Variants in KIF15 observed in about 807,000 individuals in gnomAD.
KIF15 encodes kinesin-like protein KIF15.
Under a neutral mutation model 190.6 loss-of-function variants are expected in KIF15, and 140 were observed. That is an observed-to-expected ratio of 0.73 (90% CI 0.64 to 0.84). KIF15 has a LOEUF of 0.84. Ranked by LOEUF, KIF15 falls within the 40% of genes least tolerant of loss-of-function variation. The probability of loss-of-function intolerance (pLI) is 0.00; values close to 1 mark genes in which losing one functional copy is unlikely to be tolerated. For missense variants in KIF15, 1,372 were observed against 1,584.4 expected (o/e 0.87, Z 2.28); for synonymous variants, 528 against 551.3 (o/e 0.96, Z 0.59).
At chr3:44,779,597 G>T (rs925108264) in intron 4 of KIF15, among the ~76,000 whole-genome samples, 1 of 152,016 alleles carries the variant, frequency 6.6e-6, no homozygotes, top group Admixed American at 6.6e-5. Context: ...CACTTTGGGG[G>T]GCCGAGGTGC....
At position 44,812,277 on chromosome 3, in the gene KIF15, C is replaced by G; in HGVS notation, c.2265C>G (p.Thr755=). The G allele has an allele frequency of 6.2e-7, 1 of 1,612,984 alleles. No individual in the cohort carries two copies. Among genetic ancestry groups the G allele is most frequent in the Non-Finnish European group, 8.5e-7 (1 of 1,179,162 alleles). ...QHVDKLEHHS[T]QMQELFSSER... ...TTGACAAACTGGAACATCATTCTAC[C>G]CAAATGCAGGAGGTGAGACCAAGAG... The change falls in exon 18 of 35, where the codon ACC becomes ACG. Residue 755 remains threonine (T), a synonymous_variant. Coordinates refer to ENST00000326047, the MANE Select transcript of KIF15 (RefSeq NM_020242.3).
At chr3:44,820,333 T>C (rs1708209788) in intron 20 of KIF15, among the ~76,000 whole-genome samples, 1 of 150,580 alleles carries the variant, frequency 6.6e-6, no homozygotes, top group Admixed American at 6.7e-5. Flanking sequence ...TTTCTTTTTT[T>C]TTTCCTTTTT....
In KIF15 at chr3:44,839,887, T is replaced by A. The variant is rs963793728; in HGVS notation, c.3319-468T>A. Among the ~76,000 whole-genome samples, 7 of 152,230 alleles carry A rather than the reference T, an allele frequency of 4.6e-5. No individual in the cohort carries two copies. In the South Asian group the frequency reaches 1.0e-3, roughly 23 times the overall value. ...TTTTTAAGACTAAGTAGTATTTCAT[T>A]GTGTATATATATAGCACATTTTCTT... On this transcript the variant is annotated intron_variant, in intron 27 of 34. Coordinates refer to ENST00000326047, the MANE Select transcript of KIF15 (RefSeq NM_020242.3).
At chr3:44,830,746 C>T in intron 25 of KIF15, 150 bp from the exon 26 acceptor site, 1 of 754,800 alleles carries the variant, frequency 1.3e-6, no homozygotes, top group Non-Finnish European at 2.0e-6. Flanking sequence ...CATTCATGCA[C>T]TTATTCTTCT....
chr3:44,786,378 AG>A lies in KIF15; in HGVS notation c.460-15del. 2 of 1,586,122 alleles carry A rather than the reference AG, an allele frequency of 1.3e-6. No homozygotes were observed. Among genetic ancestry groups the A allele is most frequent in the Non-Finnish European group, 1.7e-6 (2 of 1,163,334 alleles). ...CACATGAAAATAATGTATCTAAATG[AG>A]GCTTCTTTTTTACAGGCTGGAGCTG... is the stretch of plus-strand genomic sequence containing the variant. On this transcript the variant is annotated splice_polypyrimidine_tract_variant and intron_variant, in intron 6 of 34. Transcript: ENST00000326047.
chr3:44,774,379 C>CTTT lies in KIF15; in HGVS notation c.20-7_20-5dup. The CTTT allele has an allele frequency of 8.0e-7, 1 of 1,252,306 alleles. No individual in the cohort carries two copies. The highest frequency in any genetic ancestry group is 2.0e-5 in the Admixed American group (1 of 48,886). 77.6% of individuals were successfully genotyped at this position (1,252,306 alleles called of 1,614,324 possible). ...TTACAATTTAAATGACCTTTAATAACTTTTTTTTTTTCTAGCTGAGTTACG... is the reference window on the plus strand; with the variant it reads ...TTACAATTTAAATGACCTTTAATAACTTTTTTTTTTTTTTCTAGCTGAGTTACG... On this transcript the variant is annotated splice_polypyrimidine_tract_variant and intron_variant, in intron 1 of 34. Transcript: ENST00000326047.
rs1487335847 is a variant in KIF15 at position 44,828,304 on chromosome 3, G to A, written c.2943+4G>A. ...AAAGTCTAGAGATTCTGATAAGGTT[G>A]GTAGAGTTTGAAGCTACATCTCTCT... On this transcript the variant is annotated splice_donor_region_variant and intron_variant, in intron 24 of 34. Coordinates refer to ENST00000326047, the MANE Select transcript of KIF15 (RefSeq NM_020242.3). The A allele has an allele frequency of 1.3e-6, 2 of 1,596,720 alleles. No homozygotes were observed. The highest frequency in any genetic ancestry group is 8.6e-7 in the Non-Finnish European group (1 of 1,164,400).
At chr3:44,827,606 T>C (rs2125690920) in intron 23 of KIF15, 78 bp downstream of exon 23, 1 of 786,188 alleles carries the variant, frequency 1.3e-6, no homozygotes, top group African/African-American at 1.8e-5. Flanking sequence ...CTTATTATAA[T>C]GATTTCAGCT....
chr3:44,864,958 T>G, intron 6 of KIF15: 1 of 1,573,764 alleles, frequency 6.4e-7, no homozygotes, highest in Admixed American at 1.7e-5. Context: ...CCTGGCACCC[T>G]TAGAAGGAAG....
At chr3:44,845,014 T>C (rs17076981) in intron 30 of KIF15, among the ~76,000 whole-genome samples, 2,829 of 152,274 alleles carry the variant, frequency 0.019, 74 homozygotes, top group African/African-American at 0.063. Flanking sequence ...TAAGAGATTA[T>C]TGTGAAGGTA....
At chr3:44,763,953 GC>G (rs1402998495) in intron 1 of KIF15, among the ~76,000 whole-genome samples, 1 of 152,178 alleles carries the variant, frequency 6.6e-6, no homozygotes, top group Non-Finnish European at 1.5e-5. Context: ...CTCCCAAAGT[GC>G]TAGGATTACA....
intron 10 of KIF15, among the ~76,000 whole-genome samples, chr3:44,798,862 T>A (rs769972409): frequency 6.6e-6 from 1 of 152,188 alleles, no homozygotes; most frequent in Non-Finnish European, 1.5e-5. Context: ...TCTCACAGGT[T>A]CAGGGCTCAG....
chr3:44,807,850 T>G (rs1707587522), intron 16 of KIF15, among the ~76,000 whole-genome samples: 1 of 152,188 alleles, frequency 6.6e-6, no homozygotes. Flanking sequence ...TAATGATTTA[T>G]TCAACCTGGA....
intron 7 of KIF15, among the ~76,000 whole-genome samples, chr3:44,788,592 C>T (rs1706523452): frequency 6.6e-6 from 1 of 152,000 alleles, no homozygotes; most frequent in Non-Finnish European, 1.5e-5. Flanking sequence ...GTAGCTGAGA[C>T]TGCAAGTGCA....
At chr3:44,817,192 C>T (rs1218254774) in intron 20 of KIF15, among the ~76,000 whole-genome samples, 1 of 152,074 alleles carries the variant, frequency 6.6e-6, no homozygotes, top group Non-Finnish European at 1.5e-5. Flanking sequence ...CTGTAGGTTG[C>T]CTGTTCACTC....
chr3:44,826,253 C>T, intron 21 of KIF15, 64 bp downstream of exon 21: 2 of 1,549,412 alleles, frequency 1.3e-6, no homozygotes, highest in South Asian at 1.2e-5. Flanking sequence ...AGGACAAGGA[C>T]TGTCCTTTCC....
chr3:44,815,897 C>T (rs1216854198), intron 20 of KIF15, among the ~76,000 whole-genome samples: 1 of 152,070 alleles, frequency 6.6e-6, no homozygotes, highest in Non-Finnish European at 1.5e-5. Context: ...TAGTAGGCAG[C>T]CTTGAGTTTA....
At chr3:44,846,495 G>A (rs1698852509) in intron 30 of KIF15, among the ~76,000 whole-genome samples, 1 of 151,920 alleles carries the variant, frequency 6.6e-6, no homozygotes, top group Non-Finnish European at 1.5e-5. Flanking sequence ...GTTTTTCACT[G>A]GGTGTCGTGG....
intron 24 of KIF15, 111 bp downstream of exon 24, chr3:44,828,411 GA>G: frequency 2.9e-6 from 2 of 694,736 alleles, no homozygotes; most frequent in African/African-American, 1.8e-5. Flanking sequence ...TAGATAATAT[GA>G]ATATTTCTAT....
Sources: gnomAD v4.1 joint callset for allele counts (sites outside exome capture counted in the v4.1 genomes callset) on GRCh38, gnomAD v4.1.1 for gene constraint, MANE v1.5 for transcripts, NCBI Gene and HGNC (gene_info 2026-07-23, HGNC 2026-07-21) for gene names.